The following CCAR1 variants were observed in gnomAD, a reference collection of about 807,000 sequenced individuals.
The protein encoded by CCAR1 is cell division cycle and apoptosis regulator protein 1.
CCAR1 carries 78 observed loss-of-function variants against 163.8 expected under a neutral mutation model. That is an observed-to-expected ratio of 0.48 (90% CI 0.40 to 0.57). The LOEUF is 0.57. CCAR1 is among the 20% of genes least tolerant of loss of function. CCAR1 has a pLI of 0.00. For synonymous variants in CCAR1, 443 were observed against 460.7 expected (o/e 0.96, Z 0.49); for missense variants, 1,019 against 1,365.2 (o/e 0.75, Z 4.00).
chr10:68,770,902 C>A (rs1023932404), intron 17 of CCAR1, among the ~76,000 whole-genome samples: 1 of 151,898 alleles, frequency 6.6e-6, no homozygotes, highest in African/African-American at 2.4e-5. Flanking sequence ...ATGGTGAAAC[C>A]CTGTCTCTAC....
In CCAR1 at chr10:68,784,493, G is replaced by A. The variant is rs545262513; in HGVS notation, c.2651-1643G>A. 4.6e-5 allele frequency among the ~76,000 whole-genome samples: 7 copies of A among 152,088 alleles called. No homozygotes were observed. The South Asian group carries it at 1.0e-3, about 22-fold the overall frequency. ...CTGCCAAAGTGCTAGGATTACAGGC[G>A]TGACCCACCATGTTCGGCGATTGAC... On this transcript the variant is annotated intron_variant, in intron 19 of 24. Transcript: ENST00000265872.
At chr10:68,777,135 G>T (rs867287503) in intron 19 of CCAR1, among the ~76,000 whole-genome samples, 33 of 152,132 alleles carry the variant, frequency 2.2e-4, no homozygotes, top group Middle Eastern at 6.8e-3. Context: ...AGTTATATTT[G>T]CTCTGTTTTC....
intron 6 of CCAR1, among the ~76,000 whole-genome samples, chr10:68,744,259 A>G (rs988898965): frequency 1.3e-5 from 2 of 152,176 alleles, no homozygotes; most frequent in African/African-American, 4.8e-5. Flanking sequence ...CATAACTGTG[A>G]GTGGGGTGTT....
chr10:68,746,430 G>A (rs541257649), intron 6 of CCAR1, among the ~76,000 whole-genome samples: 7 of 151,780 alleles, frequency 4.6e-5, no homozygotes, highest in South Asian at 2.1e-4. Context: ...GGGTTTCACC[G>A]CATTGGTCAG....
At chr10:68,747,737 G>A (rs540837936) in intron 8 of CCAR1, among the ~76,000 whole-genome samples, 171 bp downstream of exon 8, 1 of 152,020 alleles carries the variant, frequency 6.6e-6, no homozygotes, top group South Asian at 2.1e-4. Flanking sequence ...TTTTCTCTTA[G>A]TGATAAGAAA....
intron 16 of CCAR1, among the ~76,000 whole-genome samples, 164 bp downstream of exon 16, chr10:68,761,356 G>C (rs1255143111): frequency 6.6e-6 from 1 of 151,994 alleles, no homozygotes; most frequent in African/African-American, 2.4e-5. Context: ...GCCCAGGCTG[G>C]AGTGCAGTGG....
At chr10:68,768,178 A>G (rs955223301) in intron 17 of CCAR1, among the ~76,000 whole-genome samples, 1 of 152,234 alleles carries the variant, frequency 6.6e-6, no homozygotes, top group African/African-American at 2.4e-5. Context: ...CATAAAGTCC[A>G]TGCTTATTGG....
Position 68,791,798 on chromosome 10 carries a change from C to G in CCAR1, c.*532C>G, listed in dbSNP as rs1156820816. 1 of 152,588 alleles carries G rather than the reference C, an allele frequency of 6.6e-6. No individual in the cohort carries two copies. The highest frequency in any genetic ancestry group is 6.6e-5 in the Admixed American group (1 of 15,252). 9.5% of individuals were successfully genotyped at this position (152,588 alleles called of 1,614,324 possible). On this transcript the variant is annotated 3_prime_UTR_variant, in exon 25 of 25. Transcript: ENST00000265872. ...TTAAAAATTCAGTTCAGGCCGGGCA[C>G]GGTGGCTCACACCTGTAATCCCAAC... is the stretch of plus-strand genomic sequence containing the variant.
intron 16 of CCAR1, among the ~76,000 whole-genome samples, chr10:68,764,966 C>A (rs544011778): frequency 1.0e-3 from 155 of 152,276 alleles, no homozygotes; most frequent in Non-Finnish European, 2.0e-3. Flanking sequence ...ATACTTGAAT[C>A]ATTTTTGTGT....
At chr10:68,781,735 A>G (rs1306498841) in intron 19 of CCAR1, among the ~76,000 whole-genome samples, 8 of 151,952 alleles carry the variant, frequency 5.3e-5, no homozygotes, top group Non-Finnish European at 1.2e-4. Context: ...CTGTGGTCCC[A>G]GATACTTTTA....
intron 19 of CCAR1, among the ~76,000 whole-genome samples, chr10:68,777,948 CGGTGGCTCATGCCT>C (rs1431615582): frequency 2.0e-5 from 3 of 151,880 alleles, no homozygotes; most frequent in Non-Finnish European, 4.4e-5. Context: ...AGGCCGGGTG[CGGTGGCTCATGCCT>C]GTAATCCCAG....
intron 2 of CCAR1, among the ~76,000 whole-genome samples, chr10:68,727,072 T>C (rs1045223125): frequency 2.7e-5 from 4 of 149,868 alleles, no homozygotes; most frequent in African/African-American, 9.8e-5. Context: ...ATTTTTTTTT[T>C]TGTTTTTTTT....
At position 68,756,342 on chromosome 10, in the gene CCAR1, T is replaced by C. The variant is rs1206915658; in HGVS notation, c.1695T>C (p.His565=). 6 of 1,614,158 alleles carry C rather than the reference T, an allele frequency of 3.7e-6. No homozygotes were observed. Among genetic ancestry groups the C allele is most frequent in the African/African-American group, 1.3e-5 (1 of 75,048 alleles). ...ACAAGGGGCGTACAGTTCCAGCTCA[T>C]GTGGAGACAGTGGTTTTATTTTTCC... ...ETHKGRTVPA[H]VETVVLFFPD... is the part of the protein sequence containing the mutation. Residue 565 remains histidine (H), a synonymous_variant, in exon 14 of 25, where the codon CAT becomes CAC. Transcript: ENST00000265872. The surrounding 1 kb of genome is among the most constrained non-coding windows in gnomAD (Gnocchi z 5.1).
At chr10:68,753,486 C>T (rs969001452) in intron 10 of CCAR1, among the ~76,000 whole-genome samples, 21 of 152,140 alleles carry the variant, frequency 1.4e-4, no homozygotes, top group Non-Finnish European at 5.9e-5. Context: ...ACTCTCATTG[C>T]TGTTTTGTAT....
intron 1 of CCAR1, chr10:68,721,650 T>G (rs1428184447): frequency 2.3e-6 from 1 of 435,608 alleles, no homozygotes; most frequent in Non-Finnish European, 4.6e-6. Flanking sequence ...TCTTGGGGAA[T>G]AGAGGCTTTC....
intron 2 of CCAR1, among the ~76,000 whole-genome samples, chr10:68,733,058 G>T (rs16925664): frequency 0.076 from 11,502 of 152,100 alleles, 1,246 homozygotes; most frequent in African/African-American, 0.24. Context: ...CACTTTGTTG[G>T]TCCTTGTTTT....
intron 19 of CCAR1, among the ~76,000 whole-genome samples, chr10:68,778,287 C>T (rs891961297): frequency 6.6e-6 from 1 of 152,196 alleles, no homozygotes; most frequent in African/African-American, 2.4e-5. Flanking sequence ...TCTCCAGTTA[C>T]ATCTCTTAAC....
intron 3 of CCAR1, 50 bp downstream of exon 3, chr10:68,737,098 C>CT (rs1564531004): frequency 7.6e-7 from 1 of 1,322,298 alleles, no homozygotes; most frequent in East Asian, 2.4e-5. Flanking sequence ...TTTATGAAAT[C>CT]TGAGTAGCTA....
chr10:68,774,454 A>G (rs925260301), intron 19 of CCAR1, among the ~76,000 whole-genome samples: 1 of 152,044 alleles, frequency 6.6e-6, no homozygotes, highest in African/African-American at 2.4e-5. Flanking sequence ...CCTGGTCAAC[A>G]TGGTGAAACC....
Sources: allele counts gnomAD v4.1 joint callset (sites outside exome capture counted in the v4.1 genomes callset), GRCh38; gene constraint gnomAD v4.1.1; non-coding constraint Gnocchi (gnomAD v3.1); transcripts MANE v1.5; gene names NCBI Gene and HGNC (gene_info 2026-07-23, HGNC 2026-07-21).